The following BZW1 variants were observed in gnomAD, a reference collection of about 807,000 sequenced individuals.
BZW1 encodes the protein eIF5-mimic protein 2.
A neutral mutation model predicts 54.1 loss-of-function variants in BZW1; 3 were observed. The ratio of observed to expected loss-of-function variants is 0.06; its 90% confidence interval spans 0.03 to 0.14. BZW1 has a LOEUF of 0.14. BZW1 is among the 10% of genes least tolerant of loss of function. BZW1 has a pLI of 1.00. For synonymous variants in BZW1, 152 were observed against 162.7 expected, an observed-to-expected ratio of 0.93 and a Z score of 0.50; for missense variants, 206 against 491.7, an observed-to-expected ratio of 0.42 and a Z score of 5.50.
intron 10 of BZW1, 85 bp downstream of exon 10, chr2:200,820,205 C>T: frequency 8.4e-7 from 1 of 1,192,578 alleles, no homozygotes; most frequent in Non-Finnish European, 1.1e-6. Flanking sequence ...GTTATCTGGA[C>T]ATCAGCTCCC....
Position 200,814,309 on chromosome 2 carries a change from G to C in BZW1, c.64+1028G>C, listed in dbSNP as rs901273527. Among the ~76,000 whole-genome samples the C allele has an allele frequency of 4.6e-5, 7 of 152,338 alleles. No homozygotes were observed. In the South Asian group the frequency reaches 6.2e-4, roughly 14 times the overall value. On this transcript the variant is annotated intron_variant, in intron 2 of 11. Transcript: ENST00000409600. Reference sequence around the variant, plus strand: ...AACTTCCCCGGTTCCAGATAGAGATGATTCGTGGCCTGGCTGTTGATGGTT... The same window carrying C: ...AACTTCCCCGGTTCCAGATAGAGATCATTCGTGGCCTGGCTGTTGATGGTT...
upstream of BZW1, chr2:200,811,772 C>T (rs940895394): frequency 6.4e-6 from 1 of 155,478 alleles, no homozygotes; most frequent in African/African-American, 2.4e-5. Context: ...CCTCCCCTAT[C>T]CCAGTCCCTC....
intron 5 of BZW1, 90 bp downstream of exon 5, chr2:200,816,480 A>G (rs957512305): frequency 4.0e-6 from 4 of 1,000,836 alleles, no homozygotes; most frequent in Non-Finnish European, 5.7e-6. Context: ...ATTTGGAGTA[A>G]TTTTGCTTGT....
chr2:200,819,651 C>T (rs1042646320), intron 9 of BZW1, among the ~76,000 whole-genome samples: 1 of 151,670 alleles, frequency 6.6e-6, no homozygotes, highest in African/African-American at 2.4e-5. Context: ...GCCTCCATCT[C>T]CTGGGTTCAA....
At chr2:200,812,754 T>A in intron 1 of BZW1, 1 of 723,656 alleles carries the variant, frequency 1.4e-6, no homozygotes, top group Non-Finnish European at 2.5e-6. Flanking sequence ...GTGCTGCCCG[T>A]AACCAGGCTT....
intron 2 of BZW1, 49 bp downstream of exon 2, chr2:200,813,330 G>T: frequency 6.6e-7 from 1 of 1,513,800 alleles, no homozygotes. Flanking sequence ...AGAACATCTT[G>T]TGTATCTTGC....
chr2:200,811,862 A>C, upstream of BZW1: 1 of 177,626 alleles, frequency 5.6e-6, no homozygotes, highest in East Asian at 1.4e-4. Flanking sequence ...ATCTCGCGAT[A>C]GGAGAGCGGT....
chr2:200,818,123 A>T (rs2038361165), intron 7 of BZW1, 40 bp downstream of exon 7: 1 of 1,518,750 alleles, frequency 6.6e-7, no homozygotes, highest in Non-Finnish European at 8.9e-7. Context: ...CTTGCCAAGG[A>T]TGTAAATGAG....
In BZW1 at chr2:200,818,371, C is replaced by G. The variant is rs756910193; in HGVS notation, c.797C>G (p.Ser266Cys). 6.2e-7 allele frequency: 1 copy of G among 1,600,064 alleles called. No individual in the cohort carries two copies. Among genetic ancestry groups the G allele is most frequent in the East Asian group, 2.2e-5 (1 of 44,832 alleles). ...CAGAAAGAACTTCAAGAACAGATGT[C>G]CCGTGGTGATCCATTTAAGGATGTA... The part of the protein sequence containing the change: ...ELQKELQEQM[S>C]RGDPFKDIIL... The change falls in exon 8 of 12, where the codon TCC becomes TGC. Residue 266 changes from serine (S) to cysteine (C), a missense_variant. This residue lies in a region of BZW1 where 31 missense variants were observed against 29.1 expected (regional missense o/e 1.07). Transcript: ENST00000409600.
Position 200,816,534 on chromosome 2 carries a change from A to T in BZW1, c.402+144A>T, listed in dbSNP as rs2038298330. ...GAGACAGAGCCTCACTCTGTGTCCC[A>T]GGCTGGGGGTGCAGTGGCTCAGTCT... is the stretch of plus-strand genomic sequence containing the variant. On this transcript the variant is annotated intron_variant, in intron 5 of 11. Coordinates refer to ENST00000409600, the MANE Select transcript of BZW1 (RefSeq NM_001207067.2). The T allele has an allele frequency of 1.2e-5, 6 of 507,006 alleles. 1 individual carries two copies. The highest frequency in any genetic ancestry group is 2.0e-5 in the Non-Finnish European group (6 of 298,622). 31.4% of individuals were successfully genotyped at this position (507,006 alleles called of 1,614,324 possible). A position where few individuals can be genotyped will look rare whatever the true frequency, so the allele number is the denominator to read the frequency against.
chr2:200,823,361 A>G lies in BZW1; in HGVS notation c.*1183A>G, dbSNP rs2038593909. ...TTCTTGGTATACAATTGATCCATTTATTTTAATGGCTGCCTTTTCATTTTC... is the reference window on the plus strand; with the variant it reads ...TTCTTGGTATACAATTGATCCATTTGTTTTAATGGCTGCCTTTTCATTTTC... On this transcript the variant is annotated 3_prime_UTR_variant, in exon 12 of 12. Transcript: ENST00000409600. 1 of 156,010 alleles carries G rather than the reference A, an allele frequency of 6.4e-6. No individual in the cohort carries two copies. Among genetic ancestry groups the G allele is most frequent in the Admixed American group, 6.5e-5 (1 of 15,274 alleles). 9.7% of individuals were successfully genotyped at this position (156,010 alleles called of 1,614,324 possible). A position where few individuals can be genotyped will look rare whatever the true frequency, so the allele number is the denominator to read the frequency against.
At chr2:200,820,452 G>A (rs2038467939) in intron 10 of BZW1, among the ~76,000 whole-genome samples, 1 of 152,174 alleles carries the variant, frequency 6.6e-6, no homozygotes, top group Admixed American at 6.5e-5. Context: ...GCCTGAGGCT[G>A]GAGGATCGCT....
chr2:200,815,965 CT>C (rs1280210141), intron 4 of BZW1, among the ~76,000 whole-genome samples: 1 of 152,160 alleles, frequency 6.6e-6, no homozygotes, highest in Non-Finnish European at 1.5e-5. Flanking sequence ...GAAATTAACT[CT>C]TCTGTTCCTA....
At chr2:200,822,017 C>T (rs879475050) in intron 11 of BZW1, 130 bp from the exon 12 acceptor site, 31 of 811,676 alleles carry the variant, frequency 3.8e-5, no homozygotes, top group Non-Finnish European at 6.1e-5. Context: ...TGCAGTGAGC[C>T]AAGAGGGTGC....
At chr2:200,812,340 G>A in intron 1 of BZW1, 1 of 1,263,778 alleles carries the variant, frequency 7.9e-7, no homozygotes, top group Non-Finnish European at 9.9e-7. Context: ...CGGGCGGGGC[G>A]GAGGGGCTGC....
chr2:200,816,475 G>C, intron 5 of BZW1, 85 bp downstream of exon 5: 1 of 1,036,276 alleles, frequency 9.6e-7, no homozygotes, highest in South Asian at 2.0e-5. Context: ...CACAGATTTG[G>C]AGTAATTTTG....
chr2:200,824,465 T>G lies in BZW1; in HGVS notation c.*2287T>G, dbSNP rs961699631. ...GGTTGTAAGTTTCTTAGCCTTACTC[T>G]GTGAGTTATAGATGTTATTTCATTC... On this transcript the variant is annotated 3_prime_UTR_variant, in exon 12 of 12. Transcript: ENST00000409600. 1 of 151,978 alleles carries G rather than the reference T, an allele frequency of 6.6e-6. No homozygotes were observed. The highest frequency in any genetic ancestry group is 2.4e-5 in the African/African-American group (1 of 41,408). The allele number at this position is 151,978 out of a possible 1,614,324, so 9.4% of individuals were successfully genotyped here.
Position 200,823,801 on chromosome 2 carries a change from CTTT to C in BZW1, c.*1629_*1631del, listed in dbSNP as rs1176214368. The C allele has an allele frequency of 6.6e-6, 1 of 150,532 alleles. No homozygotes were observed. Among genetic ancestry groups the C allele is most frequent in the African/African-American group, 2.5e-5 (1 of 40,810 alleles). The allele number at this position is 150,532 out of a possible 1,614,324, so 9.3% of individuals were successfully genotyped here. A position where few individuals can be genotyped will look rare whatever the true frequency, so the allele number is the denominator to read the frequency against. ...TTTGTAATTTGTAGTTCTCAAAAGA[CTTT>C]TTTTTAAAAAAATAAAGTCCATACT... On this transcript the variant is annotated 3_prime_UTR_variant, in exon 12 of 12. Coordinates refer to ENST00000409600, the MANE Select transcript of BZW1 (RefSeq NM_001207067.2).
intron 2 of BZW1, among the ~76,000 whole-genome samples, chr2:200,814,184 G>A (rs1455950947): frequency 6.6e-6 from 1 of 152,226 alleles, no homozygotes; most frequent in Non-Finnish European, 1.5e-5. Context: ...AGTAAAATGG[G>A]AAAGTGTATC....
Sources: allele counts gnomAD v4.1 joint callset (sites outside exome capture counted in the v4.1 genomes callset), GRCh38; gene constraint gnomAD v4.1.1; regional missense constraint gnomAD v4.1.1; transcripts MANE v1.5; gene names NCBI Gene and HGNC (gene_info 2026-07-23, HGNC 2026-07-21).